Variants in RPS6KC1 observed in about 807,000 individuals in gnomAD.
RPS6KC1 encodes the protein ribosomal protein S6 kinase C1.
In RPS6KC1, 54 loss-of-function variants were observed where a neutral mutation model predicts 103.8. That is an observed-to-expected ratio of 0.52 (90% CI 0.42 to 0.65). RPS6KC1 has a LOEUF of 0.65. Ranked by LOEUF, RPS6KC1 falls within the 30% of genes least tolerant of loss-of-function variation. The probability of loss-of-function intolerance (pLI) is 0.00; values close to 1 mark genes in which losing one functional copy is unlikely to be tolerated. For missense variants in RPS6KC1, 1,151 were observed against 1,253.8 expected (o/e 0.92, Z 1.24); for synonymous variants, 439 against 438.7 (o/e 1.00, Z -0.01).
At chr1:213,482,266 T>G in the RPS6KC1 span, among the ~76,000 whole-genome samples, 3 of 152,324 alleles carry the variant, frequency 2.0e-5, no homozygotes, top group Admixed American at 2.0e-4. Flanking sequence ...CTTTTGATGC[T>G]CTTCTTGGTT....
the RPS6KC1 span, among the ~76,000 whole-genome samples, chr1:213,578,016 G>A: frequency 6.6e-6 from 1 of 152,216 alleles, no homozygotes; most frequent in South Asian, 2.1e-4. Context: ...AAGCTGGGGG[G>A]CCTAGTGGGA....
the RPS6KC1 span, among the ~76,000 whole-genome samples, chr1:213,689,102 C>G: frequency 6.6e-6 from 1 of 152,156 alleles, no homozygotes; most frequent in East Asian, 1.9e-4. Context: ...TTCGAACATT[C>G]TCTCTCTTCT....
chr1:213,181,899 G>C (rs1228268169), intron 8 of RPS6KC1, among the ~76,000 whole-genome samples: 2 of 152,288 alleles, frequency 1.3e-5, no homozygotes, highest in East Asian at 3.9e-4. Flanking sequence ...AAGAAAGAAA[G>C]AACATTGGAG....
chr1:213,661,181 T>G, the RPS6KC1 span, among the ~76,000 whole-genome samples: 1 of 152,160 alleles, frequency 6.6e-6, no homozygotes, highest in Non-Finnish European at 1.5e-5. Flanking sequence ...TTGCCAGACA[T>G]GCAGCCTTTT....
chr1:213,586,478 C>T, the RPS6KC1 span, among the ~76,000 whole-genome samples: 1 of 152,200 alleles, frequency 6.6e-6, no homozygotes, highest in Admixed American at 6.5e-5. Flanking sequence ...TAAGCTAAAA[C>T]TGAGAAGAAA....
the RPS6KC1 span, among the ~76,000 whole-genome samples, chr1:213,321,985 G>C: frequency 1.4e-3 from 217 of 152,234 alleles, no homozygotes; most frequent in African/African-American, 5.1e-3. Context: ...TGAGTGAGAG[G>C]GGGTAGGGTA....
At chr1:213,427,600 G>A in the RPS6KC1 span, among the ~76,000 whole-genome samples, 403 of 152,022 alleles carry the variant, frequency 2.7e-3, 1 homozygote, top group African/African-American at 9.4e-3. Context: ...TTCTTAAATC[G>A]TTTTGAATTA....
the RPS6KC1 span, among the ~76,000 whole-genome samples, chr1:213,743,576 A>C: frequency 1.3e-5 from 2 of 152,236 alleles, no homozygotes; most frequent in Non-Finnish European, 2.9e-5. Context: ...GCCTGACTTC[A>C]ATGCCATTTG....
At chr1:213,673,645 C>A in the RPS6KC1 span, among the ~76,000 whole-genome samples, 111,022 of 149,406 alleles carry the variant, frequency 0.74, 42,221 homozygotes, top group East Asian at 1. Context: ...GAGAGAAGTA[C>A]TTTTTAGTAC....
chr1:213,594,800 G>A, the RPS6KC1 span, among the ~76,000 whole-genome samples: 3 of 152,174 alleles, frequency 2.0e-5, no homozygotes, highest in African/African-American at 7.2e-5. Context: ...TAGTTGGGAG[G>A]GCCAGGCAGA....
At chr1:213,710,026 C>T in the RPS6KC1 span, among the ~76,000 whole-genome samples, 1 of 152,236 alleles carries the variant, frequency 6.6e-6, no homozygotes, top group African/African-American at 2.4e-5. Context: ...CTGTAGATGT[C>T]TATTAGGTGT....
chr1:213,714,141 A>C, the RPS6KC1 span, among the ~76,000 whole-genome samples: 1 of 152,184 alleles, frequency 6.6e-6, no homozygotes, highest in Non-Finnish European at 1.5e-5. Flanking sequence ...TAAATTACTT[A>C]ATTTCTTGTG....
chr1:213,356,384 GGT>G, the RPS6KC1 span, among the ~76,000 whole-genome samples: 1 of 151,800 alleles, frequency 6.6e-6, no homozygotes. Context: ...GGCCAGGTGT[GGT>G]GGCTCACGCC....
the RPS6KC1 span, among the ~76,000 whole-genome samples, chr1:213,647,834 C>T: frequency 1.6e-4 from 25 of 152,260 alleles, no homozygotes; most frequent in African/African-American, 6.0e-4. Context: ...TTTGAAGAAA[C>T]AATACATGTC....
At chr1:213,498,931 T>G in the RPS6KC1 span, among the ~76,000 whole-genome samples, 1 of 151,672 alleles carries the variant, frequency 6.6e-6, no homozygotes, top group Non-Finnish European at 1.5e-5. Flanking sequence ...AGGCACCCAC[T>G]GCCACGCTCA....
At chr1:213,440,593 T>TA in the RPS6KC1 span, among the ~76,000 whole-genome samples, 19,049 of 100,350 alleles carry the variant, frequency 0.19, 1,922 homozygotes, top group Middle Eastern at 0.26. Flanking sequence ...TTAATGGAAC[T>TA]AAAAAAAAAA....
intron 12 of RPS6KC1, among the ~76,000 whole-genome samples, chr1:213,257,952 C>T (rs761950691): frequency 1.3e-5 from 2 of 151,262 alleles, no homozygotes; most frequent in Non-Finnish European, 3.0e-5. Flanking sequence ...TACAGGTGCA[C>T]ACCACCACAC....
At position 213,241,822 on chromosome 1, in the gene RPS6KC1, T is replaced by A; in HGVS notation, c.2346T>A (p.Asp782Glu). ...DPRMLFVAAV[D>E]HSSSGDMSLL... ...GGATGTTATTTGTAGCAGCTGTTGA[T>A]CATAGTAGTTCAGGAGATATGTCTT... The change falls in exon 11 of 15, where the codon GAT becomes GAA. Residue 782 changes from aspartate to glutamate, a missense_variant. By Grantham distance (45) the Asp-to-Glu change is conservative. This residue lies in a region of RPS6KC1 where 959 missense variants were observed against 1,006.3 expected (regional missense o/e 0.95). Coordinates refer to ENST00000366960, the MANE Select transcript of RPS6KC1 (RefSeq NM_012424.6). 6.2e-7 allele frequency: 1 copy of A among 1,613,972 alleles called. No individual in the cohort carries two copies. Among genetic ancestry groups the A allele is most frequent in the Non-Finnish European group, 8.5e-7 (1 of 1,179,940 alleles).
At chr1:213,264,285 G>A (rs1184195783) in intron 14 of RPS6KC1, among the ~76,000 whole-genome samples, 1 of 152,130 alleles carries the variant, frequency 6.6e-6, no homozygotes, top group East Asian at 1.9e-4. Context: ...AATACCTAGA[G>A]CACTTTAGAT....
Sources: allele counts gnomAD v4.1 joint callset (sites outside exome capture counted in the v4.1 genomes callset), GRCh38; gene constraint gnomAD v4.1.1; regional missense constraint gnomAD v4.1.1; transcripts MANE v1.5; gene names NCBI Gene and HGNC (gene_info 2026-07-23, HGNC 2026-07-21).